KCNQ5: variants seen among roughly 807,000 people sequenced by gnomAD.
KCNQ5 encodes potassium voltage-gated channel subfamily Q member 5.
KCNQ5 carries 30 observed loss-of-function variants against 98.2 expected under a neutral mutation model. The ratio of observed to expected loss-of-function variants is 0.31; its 90% CI spans 0.23 to 0.41. The LOEUF (loss-of-function observed/expected upper bound fraction) is 0.41, where lower values mean the gene tolerates loss of function less well. Ranked by LOEUF, KCNQ5 falls within the 10% of genes least tolerant of loss-of-function variation. The probability of loss-of-function intolerance (pLI) is 1.00; values close to 1 mark genes in which losing one functional copy is unlikely to be tolerated. For synonymous variants in KCNQ5, 458 were observed against 449.4 expected (o/e 1.02, Z -0.24); for missense variants, 835 against 1,182.5 (o/e 0.71, Z 4.31).
In KCNQ5 at chr6:72,817,346, C is replaced by A. The variant is rs191416677; in HGVS notation, c.399-186562C>A. ...ATGAGAAAACTGAGCATGATTTGTT[C>A]GTTTTGAATGCCTTAAACCAAATAT... On this transcript the variant is annotated intron_variant, in intron 1 of 13. Transcript: ENST00000370398. Among the ~76,000 whole-genome samples, 11 of 152,224 alleles carry A rather than the reference C, an allele frequency of 7.2e-5. No individual in the cohort carries two copies. In the East Asian group the frequency reaches 2.1e-3, roughly 29 times the overall value.
intron 1 of KCNQ5, among the ~76,000 whole-genome samples, chr6:72,726,144 TA>T (rs2154475555): frequency 6.6e-6 from 1 of 151,912 alleles, no homozygotes; most frequent in Admixed American, 6.6e-5. Flanking sequence ...CATGAGCCCT[TA>T]CACTTATCAG....
At chr6:72,896,851 A>G (rs1436556783) in intron 1 of KCNQ5, among the ~76,000 whole-genome samples, 1 of 152,032 alleles carries the variant, frequency 6.6e-6, no homozygotes, top group African/African-American at 2.4e-5. Context: ...ACTCATAGAA[A>G]ATGCAAGTAT....
At chr6:73,186,490 G>T (rs2150520119) in intron 11 of KCNQ5, among the ~76,000 whole-genome samples, 1 of 152,304 alleles carries the variant, frequency 6.6e-6, no homozygotes, top group East Asian at 1.9e-4. Flanking sequence ...AGGAAATCCT[G>T]ATTTGTATTG....
At chr6:72,634,009 T>G (rs1380428226) in intron 1 of KCNQ5, among the ~76,000 whole-genome samples, 1 of 152,160 alleles carries the variant, frequency 6.6e-6, no homozygotes, top group Non-Finnish European at 1.5e-5. Flanking sequence ...CAAAAGCAAC[T>G]GAAGCAAAAC....
At chr6:72,834,266 A>C (rs1164136815) in intron 1 of KCNQ5, among the ~76,000 whole-genome samples, 1 of 152,114 alleles carries the variant, frequency 6.6e-6, no homozygotes, top group Non-Finnish European at 1.5e-5. Flanking sequence ...TGGATATAGA[A>C]AAAAAGAACT....
At chr6:72,894,614 A>C (rs962075755) in intron 1 of KCNQ5, among the ~76,000 whole-genome samples, 3 of 152,176 alleles carry the variant, frequency 2.0e-5, no homozygotes, top group African/African-American at 7.2e-5. Flanking sequence ...TTCTGGGATA[A>C]GGTTGATTAT....
At chr6:72,897,312 G>A (rs932857783) in intron 1 of KCNQ5, among the ~76,000 whole-genome samples, 3 of 152,022 alleles carry the variant, frequency 2.0e-5, no homozygotes, top group Admixed American at 6.6e-5. Context: ...AGGCCGAGGC[G>A]GGTAGATCAC....
At chr6:72,787,692 A>G (rs532262430) in intron 1 of KCNQ5, among the ~76,000 whole-genome samples, 5 of 152,342 alleles carry the variant, frequency 3.3e-5, no homozygotes, top group Admixed American at 6.5e-5. Context: ...CATACAGGCC[A>G]CTTGAGTCAG....
At chr6:72,907,837 A>C (rs1181746649) in intron 1 of KCNQ5, among the ~76,000 whole-genome samples, 3 of 152,054 alleles carry the variant, frequency 2.0e-5, no homozygotes, top group African/African-American at 7.2e-5. Context: ...GAGTTTGGGT[A>C]CTTTTTTTTA....
chr6:73,046,782 A>G (rs957656520), intron 3 of KCNQ5, among the ~76,000 whole-genome samples: 27 of 152,034 alleles, frequency 1.8e-4, no homozygotes, highest in Non-Finnish European at 2.9e-4. Flanking sequence ...AGCTGGGACT[A>G]CAGGCACACG....
chr6:73,129,837 C>T, intron 9 of KCNQ5: 8 of 1,612,744 alleles, frequency 5.0e-6, no homozygotes, highest in Non-Finnish European at 6.8e-6. Context: ...ATGTACACCT[C>T]ACGGAAGCAG....
intron 1 of KCNQ5, among the ~76,000 whole-genome samples, chr6:72,868,588 A>T (rs1778083449): frequency 1.3e-5 from 2 of 152,146 alleles, no homozygotes; most frequent in South Asian, 4.1e-4. Context: ...GCATTCAGTG[A>T]GTGTTATGAT....
In KCNQ5 at chr6:73,125,054, C is replaced by T. The variant is rs1026204199; in HGVS notation, c.1247+542C>T. On this transcript the variant is annotated intron_variant, in intron 9 of 13. Coordinates refer to ENST00000370398, the MANE Select transcript of KCNQ5 (RefSeq NM_019842.4). ...ATATGTATAGGTATATATACCTATA[C>T]ATATAATCTTTTTTTTTGGCAAGAT... Among the ~76,000 whole-genome samples, 4 of 68,810 alleles carry T rather than the reference C, an allele frequency of 5.8e-5. No individual in the cohort carries two copies. The South Asian group carries it at 5.1e-3, about 88-fold the overall frequency. The allele number at this position is 68,810 out of a possible 152,430, so 45.1% of individuals were successfully genotyped here.
intron 1 of KCNQ5, among the ~76,000 whole-genome samples, chr6:72,733,344 G>A (rs1042763393): frequency 6.6e-6 from 1 of 152,188 alleles, no homozygotes; most frequent in Non-Finnish European, 1.5e-5. Flanking sequence ...TAGATGTCAA[G>A]TAAAGTAAGA....
chr6:72,910,666 T>G (rs1048573607), intron 1 of KCNQ5, among the ~76,000 whole-genome samples: 2 of 151,852 alleles, frequency 1.3e-5, no homozygotes, highest in African/African-American at 4.8e-5. Flanking sequence ...ACTTCTTACC[T>G]GGACCTCCTT....
At chr6:73,098,495 T>C (rs4708029) in intron 5 of KCNQ5, among the ~76,000 whole-genome samples, 10,730 of 152,286 alleles carry the variant, frequency 0.07, 1,168 homozygotes, top group African/African-American at 0.24. Context: ...AAAGATTTTA[T>C]AAGCAGCAAA....
intron 1 of KCNQ5, among the ~76,000 whole-genome samples, chr6:72,921,720 A>C (rs952398251): frequency 6.6e-6 from 1 of 152,174 alleles, no homozygotes; most frequent in Non-Finnish European, 1.5e-5. Flanking sequence ...ATTTATTAAT[A>C]AGTACTCATA....
At chr6:72,963,579 A>C (rs181708911) in intron 1 of KCNQ5, among the ~76,000 whole-genome samples, 2 of 152,338 alleles carry the variant, frequency 1.3e-5, no homozygotes, top group African/African-American at 4.8e-5. Flanking sequence ...TGATAGTATA[A>C]TAGAAAACAT....
At chr6:72,833,627 T>C (rs1472528504) in intron 1 of KCNQ5, among the ~76,000 whole-genome samples, 1 of 152,178 alleles carries the variant, frequency 6.6e-6, no homozygotes, top group African/African-American at 2.4e-5. Context: ...TAATTAACTT[T>C]ATAAATAGTG....
Sources: allele counts gnomAD v4.1 joint callset (sites outside exome capture counted in the v4.1 genomes callset), GRCh38; gene constraint gnomAD v4.1.1; transcripts MANE v1.5; gene names NCBI Gene and HGNC (gene_info 2026-07-23, HGNC 2026-07-21).